Variants in TNRC6A observed in about 807,000 individuals in gnomAD.
The protein encoded by TNRC6A is trinucleotide repeat containing adaptor 6A, also known as trinucleotide repeat-containing gene 6A protein.
A neutral mutation model predicts 221.2 loss-of-function variants in TNRC6A; 44 were observed. The ratio of observed to expected loss-of-function variants is 0.20; its 90% CI spans 0.16 to 0.26. The LOEUF is 0.26. Among genes scored for constraint, TNRC6A ranks in the 10% least tolerant of loss-of-function variants. The pLI is 1.00. For synonymous variants in TNRC6A, 847 were observed against 838.5 expected, an observed-to-expected ratio of 1.01 and a Z score of -0.18; for missense variants, 2,199 against 2,404.4, an observed-to-expected ratio of 0.91 and a Z score of 1.79.
At chr16:24,660,124 G>T (rs1024926062) in intron 2 of TNRC6A, among the ~76,000 whole-genome samples, 3 of 151,804 alleles carry the variant, frequency 2.0e-5, no homozygotes, top group Admixed American at 2.0e-4. Flanking sequence ...GTAGTGTTTG[G>T]TTACATGAGT....
At chr16:24,781,359 A>G (rs1392194743) in intron 5 of TNRC6A, among the ~76,000 whole-genome samples, 4 of 151,978 alleles carry the variant, frequency 2.6e-5, no homozygotes, top group Non-Finnish European at 4.4e-5. Flanking sequence ...ACACCCGGCA[A>G]AATTCCCATA....
intron 2 of TNRC6A, among the ~76,000 whole-genome samples, chr16:24,703,762 G>T (rs922390015): frequency 6.6e-6 from 1 of 152,100 alleles, no homozygotes; most frequent in African/African-American, 2.4e-5. Context: ...AATTAGAGTT[G>T]GTGGGTAATA....
chr16:24,622,903 C>T (rs17769183), intron 1 of TNRC6A, among the ~76,000 whole-genome samples: 8,951 of 152,176 alleles, frequency 0.059, 343 homozygotes, highest in African/African-American at 0.088. Context: ...TTTATCTGTG[C>T]GGTACATAGG....
chr16:24,655,464 G>A (rs2054890634), intron 2 of TNRC6A, among the ~76,000 whole-genome samples: 1 of 152,266 alleles, frequency 6.6e-6, no homozygotes, highest in Non-Finnish European at 1.5e-5. Flanking sequence ...CAAGGCGTGT[G>A]GATCACCTGA....
intron 2 of TNRC6A, among the ~76,000 whole-genome samples, chr16:24,673,467 G>A (rs2055347375): frequency 6.6e-6 from 1 of 152,188 alleles, no homozygotes; most frequent in South Asian, 2.1e-4. Flanking sequence ...CATGTCCCAG[G>A]CAAAGATAAG....
intron 2 of TNRC6A, among the ~76,000 whole-genome samples, chr16:24,721,476 C>T (rs1194491809): frequency 6.6e-6 from 1 of 151,992 alleles, no homozygotes; most frequent in African/African-American, 2.4e-5. Flanking sequence ...TGAGACTAGC[C>T]TGGGCAACAT....
At chr16:24,697,982 C>G (rs1335682298) in intron 2 of TNRC6A, among the ~76,000 whole-genome samples, 1 of 148,792 alleles carries the variant, frequency 6.7e-6, no homozygotes, top group Non-Finnish European at 1.5e-5. Context: ...GAGATTGCAC[C>G]ACTGCACTCC....
intron 1 of TNRC6A, among the ~76,000 whole-genome samples, chr16:24,623,716 C>T (rs1469333897): frequency 6.6e-6 from 1 of 150,960 alleles, no homozygotes; most frequent in African/African-American, 2.4e-5. Context: ...TATAGTGAGA[C>T]CTCGTCTCTA....
chr16:24,672,933 G>A (rs996807016), intron 2 of TNRC6A, among the ~76,000 whole-genome samples: 5 of 152,078 alleles, frequency 3.3e-5, no homozygotes, highest in African/African-American at 1.2e-4. Context: ...GGGCACAGTG[G>A]CTCATACCTG....
At chr16:24,696,209 G>C (rs879333247) in intron 2 of TNRC6A, among the ~76,000 whole-genome samples, 1 of 151,930 alleles carries the variant, frequency 6.6e-6, no homozygotes. Context: ...TTAGCTGGGC[G>C]TGGTGGCGGG....
intron 1 of TNRC6A, among the ~76,000 whole-genome samples, chr16:24,614,170 G>A (rs567730202): frequency 6.6e-6 from 1 of 152,348 alleles, no homozygotes; most frequent in East Asian, 1.9e-4. Flanking sequence ...CCTAGCTAGA[G>A]GGCTAGCCCA....
chr16:24,712,038 G>C (rs1489530433), intron 2 of TNRC6A, among the ~76,000 whole-genome samples: 2 of 152,086 alleles, frequency 1.3e-5, no homozygotes, highest in African/African-American at 4.8e-5. Flanking sequence ...CCATTCAATG[G>C]GGGGAAACAT....
chr16:24,742,327 C>A (rs947698425), intron 2 of TNRC6A, among the ~76,000 whole-genome samples: 8 of 152,218 alleles, frequency 5.3e-5, no homozygotes, highest in African/African-American at 1.7e-4. Context: ...AAGACCACTT[C>A]TATTTGACAT....
At chr16:24,745,143 C>T (rs1426634995) in intron 2 of TNRC6A, among the ~76,000 whole-genome samples, 1 of 152,142 alleles carries the variant, frequency 6.6e-6, no homozygotes, top group Non-Finnish European at 1.5e-5. Context: ...TATTAGTTGT[C>T]CTTACTTTAA....
intron 18 of TNRC6A, 22 bp downstream of exon 18, chr16:24,809,503 A>G: frequency 1.7e-5 from 1 of 59,830 alleles, no homozygotes; most frequent in Non-Finnish European, 3.2e-5. Context: ...ACATCTTACC[A>G]AAAAAAAAAA....
intron 2 of TNRC6A, among the ~76,000 whole-genome samples, chr16:24,667,508 C>G (rs1227557748): frequency 6.6e-6 from 1 of 152,162 alleles, no homozygotes; most frequent in Non-Finnish European, 1.5e-5. Flanking sequence ...ATAAGAGGAG[C>G]TGCAAAGTCA....
In TNRC6A at chr16:24,768,008, A is replaced by T. The variant is rs534893581; in HGVS notation, c.164-8925A>T. On this transcript the variant is annotated intron_variant, in intron 4 of 24. Transcript: ENST00000395799. ...CTTGTTTTTAAATATATGGATTCTG[A>T]TTAGTAAGTGTAAGGCTGAAGAATC... is the stretch of plus-strand genomic sequence containing the variant. Among the ~76,000 whole-genome samples, 4 of 152,314 alleles carry T rather than the reference A, an allele frequency of 2.6e-5. No individual in the cohort carries two copies. The East Asian group carries it at 7.7e-4, about 29-fold the overall frequency.
intron 2 of TNRC6A, among the ~76,000 whole-genome samples, chr16:24,642,464 C>T (rs982480346): frequency 2.0e-5 from 3 of 151,982 alleles, no homozygotes; most frequent in Non-Finnish European, 4.4e-5. Context: ...CAAATAGGGA[C>T]AAAGGCACAG....
At chr16:24,788,599 C>A (rs920709849) in intron 5 of TNRC6A, among the ~76,000 whole-genome samples, 2 of 151,992 alleles carry the variant, frequency 1.3e-5, no homozygotes. Flanking sequence ...TGGGTTGTTC[C>A]GTTATCCTAA....
Sources: allele counts gnomAD v4.1 joint callset (sites outside exome capture counted in the v4.1 genomes callset), GRCh38; gene constraint gnomAD v4.1.1; transcripts MANE v1.5; gene names NCBI Gene and HGNC (gene_info 2026-07-23, HGNC 2026-07-21).